LINGO2: variants seen among roughly 807,000 people sequenced by gnomAD.
The protein encoded by LINGO2 is leucine-rich repeat and immunoglobulin-like domain-containing nogo receptor-interacting protein 2.
Under a neutral mutation model 30.6 loss-of-function variants are expected in LINGO2, and 14 were observed. The observed-to-expected ratio is 0.46, with a 90% confidence interval of 0.30 to 0.72. LINGO2 has a LOEUF of 0.72. Among genes scored for constraint, LINGO2 ranks in the 30% least tolerant of loss-of-function variants. LINGO2 has a pLI of 0.07. For synonymous variants in LINGO2, 317 were observed against 288.5 expected (o/e 1.10, Z -1.00); for missense variants, 729 against 751.7 (o/e 0.97, Z 0.35).
intron 2 of LINGO2, among the ~76,000 whole-genome samples, chr9:28,471,040 C>T (rs1009057592): frequency 6.6e-6 from 1 of 151,184 alleles, no homozygotes; most frequent in Admixed American, 6.6e-5. Flanking sequence ...TTAGTGGAGG[C>T]AAATAAAGTT....
the LINGO2 span, among the ~76,000 whole-genome samples, chr9:28,789,201 A>C: frequency 6.6e-6 from 1 of 152,264 alleles, no homozygotes; most frequent in Admixed American, 6.5e-5. Context: ...GAAATGAAAT[A>C]AGGTCCTATG....
the LINGO2 span, among the ~76,000 whole-genome samples, chr9:29,042,895 G>A: frequency 1.3e-5 from 2 of 151,850 alleles, no homozygotes; most frequent in African/African-American, 4.8e-5. Flanking sequence ...AAATGGAGAA[G>A]AGATTGATTA....
chr9:28,397,914 A>G (rs1822118790), intron 2 of LINGO2, among the ~76,000 whole-genome samples: 1 of 152,126 alleles, frequency 6.6e-6, no homozygotes, highest in African/African-American at 2.4e-5. Flanking sequence ...ACATCTCCCC[A>G]AATTCTGTGA....
At chr9:28,364,096 T>C (rs1422516856) in intron 3 of LINGO2, among the ~76,000 whole-genome samples, 2 of 152,150 alleles carry the variant, frequency 1.3e-5, no homozygotes, top group Admixed American at 6.5e-5. Context: ...TTCTCTCATA[T>C]CTTTAAATAG....
At chr9:28,641,794 A>T (rs1827598583) in intron 1 of LINGO2, among the ~76,000 whole-genome samples, 1 of 152,198 alleles carries the variant, frequency 6.6e-6, no homozygotes, top group South Asian at 2.1e-4. Context: ...GGAGTCAGTC[A>T]TTGGCAGTGG....
At chr9:28,959,180 T>C in the LINGO2 span, among the ~76,000 whole-genome samples, 1 of 146,384 alleles carries the variant, frequency 6.8e-6, no homozygotes, top group Non-Finnish European at 1.5e-5. Context: ...ATCGCTGGAT[T>C]GGAAATGAGA....
chr9:28,640,507 G>A lies in LINGO2; in HGVS notation c.-365+29693C>T, dbSNP rs576358810. On this transcript the variant is annotated intron_variant, in intron 1 of 5. Transcript: ENST00000379992. The stretch of plus-strand genomic sequence containing the variant: ...TCACACAGTCCCATATTTCTTGGAG[G>A]CCTTGTTCTTTTTTTTTTTTTTAAT... Among the ~76,000 whole-genome samples, 9 of 144,816 alleles carry A rather than the reference G, an allele frequency of 6.2e-5. No homozygotes were observed. The South Asian group carries it at 1.3e-3, about 21-fold the overall frequency.
intron 4 of LINGO2, among the ~76,000 whole-genome samples, chr9:28,107,871 A>G (rs1047573423): frequency 6.6e-5 from 10 of 152,150 alleles, no homozygotes; most frequent in African/African-American, 1.9e-4. Flanking sequence ...TCTAAAATTC[A>G]TAGCTACTGC....
At chr9:28,357,344 A>G (rs1820260954) in intron 3 of LINGO2, among the ~76,000 whole-genome samples, 1 of 140,196 alleles carries the variant, frequency 7.1e-6, no homozygotes, top group Non-Finnish European at 1.5e-5. Flanking sequence ...GAAAGCACCA[A>G]TACTTCTTGA....
the LINGO2 span, among the ~76,000 whole-genome samples, chr9:28,713,600 C>T: frequency 1.3e-5 from 2 of 151,984 alleles, no homozygotes; most frequent in African/African-American, 4.8e-5. Flanking sequence ...TTGCTGTGTT[C>T]TTCTGTGTTT....
chr9:28,184,761 A>G (rs1207614715), intron 4 of LINGO2, among the ~76,000 whole-genome samples: 2 of 152,142 alleles, frequency 1.3e-5, no homozygotes, highest in East Asian at 3.9e-4. Context: ...ACACTTTAAC[A>G]TAAAACTTTC....
intron 4 of LINGO2, among the ~76,000 whole-genome samples, chr9:28,202,804 TTC>T (rs1435626180): frequency 1.3e-5 from 2 of 152,190 alleles, no homozygotes; most frequent in East Asian, 3.8e-4. Flanking sequence ...TCAATGTATG[TTC>T]TCTTTCCCGA....
chr9:28,918,990 C>T, the LINGO2 span, among the ~76,000 whole-genome samples: 2 of 152,200 alleles, frequency 1.3e-5, no homozygotes, highest in East Asian at 1.9e-4. Flanking sequence ...GCACTGTATC[C>T]AGTATGTTCA....
At chr9:28,014,671 A>G (rs117431611) in intron 4 of LINGO2, among the ~76,000 whole-genome samples, 1 of 152,176 alleles carries the variant, frequency 6.6e-6, no homozygotes, top group African/African-American at 2.4e-5. Flanking sequence ...TTATGTAGAC[A>G]AGTTTTTATT....
chr9:29,078,184 G>C, the LINGO2 span, among the ~76,000 whole-genome samples: 1 of 151,946 alleles, frequency 6.6e-6, no homozygotes, highest in Non-Finnish European at 1.5e-5. Flanking sequence ...GCAGCAATTA[G>C]AGAGAACCTG....
chr9:28,533,185 G>A (rs768219210), intron 1 of LINGO2, among the ~76,000 whole-genome samples: 1 of 152,062 alleles, frequency 6.6e-6, no homozygotes, highest in Non-Finnish European at 1.5e-5. Context: ...CATCTTGCTC[G>A]GGTGCTGGTT....
At chr9:28,378,096 G>T (rs1029910405) in intron 2 of LINGO2, among the ~76,000 whole-genome samples, 1 of 152,100 alleles carries the variant, frequency 6.6e-6, no homozygotes, top group Non-Finnish European at 1.5e-5. Context: ...GTTTACTCAG[G>T]TTATGCCACC....
intron 5 of LINGO2, among the ~76,000 whole-genome samples, chr9:27,951,951 A>G (rs1819335051): frequency 6.6e-6 from 1 of 152,146 alleles, no homozygotes; most frequent in Admixed American, 6.5e-5. Context: ...ATGGTGAATC[A>G]CTAAATCACT....
intron 3 of LINGO2, among the ~76,000 whole-genome samples, chr9:28,337,575 C>T (rs1297793870): frequency 6.6e-6 from 1 of 152,112 alleles, no homozygotes; most frequent in Non-Finnish European, 1.5e-5. Context: ...GGCCTGAAGG[C>T]CTATGAAGAA....
Sources: allele counts gnomAD v4.1 joint callset (sites outside exome capture counted in the v4.1 genomes callset), GRCh38; gene constraint gnomAD v4.1.1; transcripts MANE v1.5; gene names NCBI Gene and HGNC (gene_info 2026-07-23, HGNC 2026-07-21).